SPOP: variants seen among roughly 807,000 people sequenced by gnomAD.
SPOP encodes the protein speckle type BTB/POZ protein.
In SPOP, 11 loss-of-function variants were observed where a neutral mutation model predicts 45.6. The observed-to-expected ratio is 0.24, with a 90% CI of 0.15 to 0.40. The LOEUF (loss-of-function observed/expected upper bound fraction) is 0.40, where lower values mean the gene tolerates loss of function less well. Among genes scored for constraint, SPOP ranks in the 10% least tolerant of loss-of-function variants. The pLI, the probability that SPOP is intolerant of heterozygous loss-of-function variation, is 1.00. For missense variants in SPOP, 152 were observed against 465.6 expected (o/e 0.33, Z 6.20); for synonymous variants, 166 against 166.3 (o/e 1.00, Z 0.01).
chr17:49,652,790 A>G (rs1173096902), intron 1 of SPOP, among the ~76,000 whole-genome samples: 2 of 152,140 alleles, frequency 1.3e-5, no homozygotes, highest in Admixed American at 6.5e-5. Context: ...TTCGCTTCAA[A>G]TAATACTTAA....
chr17:49,632,389 G>A (rs191476224), intron 1 of SPOP, among the ~76,000 whole-genome samples: 6 of 152,244 alleles, frequency 3.9e-5, no homozygotes, highest in South Asian at 2.1e-4. Flanking sequence ...ACAATAGTGA[G>A]AAAAGTACAT....
At chr17:49,655,741 T>C (rs1371545448) in intron 1 of SPOP, among the ~76,000 whole-genome samples, 2 of 152,330 alleles carry the variant, frequency 1.3e-5, no homozygotes, top group South Asian at 2.1e-4. Context: ...AAAACTACTA[T>C]ATAATAATTT....
chr17:49,607,835 T>C (rs776462807), intron 7 of SPOP, 39 bp downstream of exon 7: 29 of 1,582,230 alleles, frequency 1.8e-5, no homozygotes, highest in East Asian at 4.5e-5. Context: ...TGACTCTAGA[T>C]ACCTGGCTAA....
chr17:49,671,514 C>T (rs183131191), intron 1 of SPOP, among the ~76,000 whole-genome samples: 45 of 151,930 alleles, frequency 3.0e-4, no homozygotes, highest in Admixed American at 2.6e-3. Flanking sequence ...AGGGCTCCCA[C>T]AGGCCAAATA....
chr17:49,673,085 G>T (rs1036236298), intron 1 of SPOP, among the ~76,000 whole-genome samples: 1 of 152,162 alleles, frequency 6.6e-6, no homozygotes, highest in African/African-American at 2.4e-5. Context: ...CTGGATATTA[G>T]ATGGTATTAG....
At chr17:49,605,091 T>C (rs1391099931) in intron 8 of SPOP, among the ~76,000 whole-genome samples, 1 of 152,242 alleles carries the variant, frequency 6.6e-6, no homozygotes, top group Non-Finnish European at 1.5e-5. Flanking sequence ...TGGGAATCAC[T>C]GACCGAATTA....
At position 49,600,078 on chromosome 17, in the gene SPOP, C is replaced by T; in HGVS notation, c.*300G>A. ...TCAGTCAGATGCAGACAGGTGTCTC[C>T]GAAGTACCACCGCTGGGATATCCTC... On this transcript the variant is annotated 3_prime_UTR_variant, in exon 10 of 10. Transcript: ENST00000504102. This position sits in a 1 kb window ranked among gnomAD's most constrained non-coding sequence, Gnocchi z 4.2. 2.9e-6 allele frequency: 1 copy of T among 350,274 alleles called. No homozygotes were observed. Among genetic ancestry groups the T allele is most frequent in the Non-Finnish European group, 5.3e-6 (1 of 187,988 alleles). The allele number at this position is 350,274 out of a possible 1,614,324, so 21.7% of individuals were successfully genotyped here. A position where few individuals can be genotyped will look rare whatever the true frequency, so the allele number is the denominator to read the frequency against.
chr17:49,641,488 C>T (rs966410205), intron 1 of SPOP, among the ~76,000 whole-genome samples: 18 of 150,710 alleles, frequency 1.2e-4, no homozygotes, highest in Admixed American at 8.0e-4. Context: ...GCTACAAATA[C>T]TTATTTAATA....
chr17:49,646,850 C>T (rs72837290), intron 1 of SPOP, among the ~76,000 whole-genome samples: 8,651 of 152,256 alleles, frequency 0.057, 351 homozygotes, highest in East Asian at 0.14. Context: ...CCTAAACCAA[C>T]ACTTTGCAAT....
At chr17:49,618,822 A>G (rs2072146772) in intron 5 of SPOP, among the ~76,000 whole-genome samples, 159 bp downstream of exon 5, 1 of 152,186 alleles carries the variant, frequency 6.6e-6, no homozygotes, top group Non-Finnish European at 1.5e-5. Context: ...ACAACCTTGA[A>G]ATCATCAGGT....
Position 49,619,396 on chromosome 17 carries a change from C to T in SPOP, c.201-11G>A, listed in dbSNP as rs370037888. 1.9e-6 allele frequency: 3 copies of T among 1,584,442 alleles called. No homozygotes were observed. The highest frequency in any genetic ancestry group is 2.6e-6 in the Non-Finnish European group (3 of 1,169,234). The stretch of plus-strand genomic sequence containing the variant: ...TTTACTCGCAAACACCTGTCCAAAA[C>T]AGATAGAAAAAAAAAATGTCAAAAG... On this transcript the variant is annotated splice_polypyrimidine_tract_variant and intron_variant, in intron 3 of 9. Coordinates refer to ENST00000504102, the MANE Select transcript of SPOP (RefSeq NM_001007228.2). This position sits in a 1 kb window ranked among gnomAD's most constrained non-coding sequence, Gnocchi z 4.9.
intron 1 of SPOP, among the ~76,000 whole-genome samples, chr17:49,676,346 CCT>C (rs2143598559): frequency 6.6e-6 from 1 of 152,282 alleles, no homozygotes; most frequent in African/African-American, 2.4e-5. Context: ...TTCTCTGTTC[CCT>C]GTGTGTCATC....
chr17:49,652,362 C>A (rs1353682647), intron 1 of SPOP, among the ~76,000 whole-genome samples: 1 of 152,166 alleles, frequency 6.6e-6, no homozygotes, highest in African/African-American at 2.4e-5. Context: ...TTGTGCCTAA[C>A]TGAAGTCAAT....
intron 1 of SPOP, among the ~76,000 whole-genome samples, chr17:49,674,784 T>C (rs2073179174): frequency 6.6e-6 from 1 of 152,206 alleles, no homozygotes; most frequent in Non-Finnish European, 1.5e-5. Context: ...GAAATTGGAA[T>C]ATAGGTTTTT....
At chr17:49,612,191 A>G (rs1045191770) in intron 5 of SPOP, among the ~76,000 whole-genome samples, 2 of 152,204 alleles carry the variant, frequency 1.3e-5, no homozygotes, top group Non-Finnish European at 2.9e-5. Context: ...GCCAAATCTA[A>G]TAACTGAAGC....
chr17:49,640,474 C>A (rs573861508), intron 1 of SPOP, among the ~76,000 whole-genome samples: 1 of 151,988 alleles, frequency 6.6e-6, no homozygotes, highest in Non-Finnish European at 1.5e-5. Context: ...ATTTAAATGC[C>A]ATACCTAAGA....
intron 1 of SPOP, among the ~76,000 whole-genome samples, chr17:49,677,310 T>G (rs1053917840): frequency 6.6e-6 from 1 of 152,132 alleles, no homozygotes. Context: ...GAAGATACAG[T>G]GACAGTTTCA....
upstream of SPOP, chr17:49,678,162 C>G: frequency 2.5e-6 from 1 of 393,368 alleles, no homozygotes; most frequent in Non-Finnish European, 4.5e-6. Flanking sequence ...GGCCTCCTCC[C>G]CATTACTCCC....
chr17:49,608,394 G>A (rs930986470), intron 6 of SPOP, among the ~76,000 whole-genome samples: 2 of 152,130 alleles, frequency 1.3e-5, no homozygotes, highest in Admixed American at 6.5e-5. Flanking sequence ...CAGATGAAGC[G>A]CATGCTCACC....
Sources: gnomAD v4.1 joint callset for allele counts (sites outside exome capture counted in the v4.1 genomes callset) on GRCh38, gnomAD v4.1.1 for gene constraint, Gnocchi (gnomAD v3.1) non-coding constraint, MANE v1.5 for transcripts, NCBI Gene and HGNC (gene_info 2026-07-23, HGNC 2026-07-21) for gene names.